The following MAST4 variants were observed in gnomAD, a reference collection of about 807,000 sequenced individuals.
MAST4 encodes microtubule-associated serine/threonine-protein kinase 4.
A neutral mutation model predicts 162.7 loss-of-function variants in MAST4; 89 were observed. The observed-to-expected ratio is 0.55, with a 90% CI of 0.46 to 0.65. The LOEUF (loss-of-function observed/expected upper bound fraction) is 0.65. Among genes scored for constraint, MAST4 ranks in the 30% least tolerant of loss-of-function variants. MAST4 has a pLI of 0.00. For synonymous variants in MAST4, 1,479 were observed against 1,361.1 expected (o/e 1.09, Z -1.91); for missense variants, 3,153 against 3,374.0 (o/e 0.93, Z 1.62).
chr5:67,123,204 C>T (rs1439431225), intron 14 of MAST4, among the ~76,000 whole-genome samples: 2 of 152,122 alleles, frequency 1.3e-5, no homozygotes, highest in Non-Finnish European at 2.9e-5. Context: ...CTCAGAGAGA[C>T]ACCAATTCCA....
At chr5:66,909,460 A>T (rs1763602040) in intron 4 of MAST4, among the ~76,000 whole-genome samples, 1 of 152,172 alleles carries the variant, frequency 6.6e-6, no homozygotes, top group Non-Finnish European at 1.5e-5. Flanking sequence ...TATATGGAAA[A>T]TTTTAATCAT....
intron 8 of MAST4, among the ~76,000 whole-genome samples, chr5:67,101,401 G>A (rs879263992): frequency 2.0e-5 from 3 of 152,158 alleles, no homozygotes; most frequent in Admixed American, 2.0e-4. Flanking sequence ...AGCCTCAGGC[G>A]AGATGACTCC....
At chr5:67,042,169 A>G (rs1756825299) in intron 4 of MAST4, among the ~76,000 whole-genome samples, 1 of 152,204 alleles carries the variant, frequency 6.6e-6, no homozygotes, top group African/African-American at 2.4e-5. Flanking sequence ...CTACCTTCTA[A>G]TGTACCCTGG....
chr5:66,915,284 A>G (rs1051790747), intron 4 of MAST4, among the ~76,000 whole-genome samples: 5 of 151,754 alleles, frequency 3.3e-5, no homozygotes, highest in Non-Finnish European at 7.4e-5. Context: ...AAAAAAAAAA[A>G]AAAATCAAGT....
chr5:67,006,030 G>C lies in MAST4; in HGVS notation c.675-48374G>C, dbSNP rs146877818. Among the ~76,000 whole-genome samples, 7 of 152,274 alleles carry C rather than the reference G, an allele frequency of 4.6e-5. No individual in the cohort carries two copies. In the East Asian group the frequency reaches 1.4e-3, roughly 29 times the overall value. ...CCAAGAAAATGGTTCGTTCTTTTTGGTTATACCTGTAACTTTTTGTAGTAT... is the reference window on the plus strand; with the variant it reads ...CCAAGAAAATGGTTCGTTCTTTTTGCTTATACCTGTAACTTTTTGTAGTAT... On this transcript the variant is annotated intron_variant, in intron 4 of 28. Coordinates refer to ENST00000403625, the MANE Select transcript of MAST4 (RefSeq NM_001164664.2).
At chr5:67,014,435 T>C (rs1303433671) in intron 4 of MAST4, among the ~76,000 whole-genome samples, 1 of 152,246 alleles carries the variant, frequency 6.6e-6, no homozygotes, top group African/African-American at 2.4e-5. Context: ...GTTCTTGTTA[T>C]GGATTCTGCA....
Position 66,708,205 on chromosome 5 carries a change from G to A in MAST4, c.364-51504G>A, listed in dbSNP as rs556891319. On this transcript the variant is annotated intron_variant, in intron 1 of 28. Coordinates refer to ENST00000403625, the MANE Select transcript of MAST4 (RefSeq NM_001164664.2). ...TTGCTTTTATTTGCGGAAAGAGTGC[G>A]GGACTTGGAGTTGGAAGATGAGGTT... 4.3e-4 allele frequency among the ~76,000 whole-genome samples: 66 copies of A among 152,220 alleles called. 1 individual carries two copies. Among genetic ancestry groups the A allele is most frequent in the African/African-American group, 1.5e-3 (61 of 41,530 alleles).
intron 11 of MAST4, among the ~76,000 whole-genome samples, chr5:67,112,895 C>T (rs1766414938): frequency 6.6e-6 from 1 of 152,114 alleles, no homozygotes; most frequent in African/African-American, 2.4e-5. Flanking sequence ...TGGTAGGTTC[C>T]CCTGACAACA....
intron 4 of MAST4, among the ~76,000 whole-genome samples, chr5:66,916,184 C>A (rs151037630): frequency 1.3e-5 from 2 of 152,082 alleles, no homozygotes; most frequent in African/African-American, 4.8e-5. Flanking sequence ...AATTTTAATG[C>A]GACTACTAGA....
At chr5:67,098,587 A>G (rs1764697614) in intron 7 of MAST4, among the ~76,000 whole-genome samples, 1 of 152,178 alleles carries the variant, frequency 6.6e-6, no homozygotes, top group African/African-American at 2.4e-5. Flanking sequence ...GTGCATATGA[A>G]TACTATCCTT....
chr5:66,625,327 A>G (rs1042688302), intron 1 of MAST4, among the ~76,000 whole-genome samples: 1 of 152,240 alleles, frequency 6.6e-6, no homozygotes, highest in Non-Finnish European at 1.5e-5. Flanking sequence ...GTTTTCCAAC[A>G]AAAGCACCAT....
chr5:66,909,251 C>T (rs2150007845), intron 4 of MAST4, among the ~76,000 whole-genome samples: 1 of 152,224 alleles, frequency 6.6e-6, no homozygotes, highest in South Asian at 2.1e-4. Flanking sequence ...CACGAGCTCT[C>T]TATATTGCTG....
At chr5:66,713,336 G>A (rs1168416803) in intron 1 of MAST4, among the ~76,000 whole-genome samples, 1 of 152,170 alleles carries the variant, frequency 6.6e-6, no homozygotes, top group East Asian at 1.9e-4. Context: ...GGGAGGACAG[G>A]CTGAGACTGA....
In MAST4 at chr5:66,968,679, C is replaced by T. The variant is rs114077724; in HGVS notation, c.674+68697C>T. Among the ~76,000 whole-genome samples, 636 of 152,200 alleles carry T rather than the reference C, an allele frequency of 4.2e-3. 1 individual carries two copies. The highest frequency in any genetic ancestry group is 7.2e-3 in the Non-Finnish European group (493 of 68,024). On this transcript the variant is annotated intron_variant, in intron 4 of 28. Coordinates refer to ENST00000403625, the MANE Select transcript of MAST4 (RefSeq NM_001164664.2). ...TTTCACCTGTGCTTAAACATGAGAT[C>T]GAGTTATATAGAAGGTATGTTTTGA...
Position 66,596,414 on chromosome 5 carries a change from A to T in MAST4, c.-242A>T, listed in dbSNP as rs1218972932. ...GAGCACAGTGGAGCGCAGATCGCGG[A>T]CCCGAGCGGGCATGTCCCCGCGCGC... is the stretch of plus-strand genomic sequence containing the variant. On this transcript the variant is annotated 5_prime_UTR_variant, in exon 1 of 29. Coordinates refer to ENST00000403625, the MANE Select transcript of MAST4 (RefSeq NM_001164664.2). 17 of 398,500 alleles carry T rather than the reference A, an allele frequency of 4.3e-5. No homozygotes were observed. In the Admixed American group the frequency reaches 7.7e-4, roughly 18 times the overall value. 24.7% of individuals were successfully genotyped at this position (398,500 alleles called of 1,614,324 possible).
intron 4 of MAST4, among the ~76,000 whole-genome samples, chr5:66,954,141 C>T (rs948637783): frequency 4.6e-5 from 7 of 152,142 alleles, no homozygotes; most frequent in Non-Finnish European, 8.8e-5. Flanking sequence ...AATGTCCCCC[C>T]ACAACCCACC....
rs56201012 is a variant in MAST4 at position 67,165,755 on chromosome 5, C to T, written c.6576C>T (p.His2192=). The T allele has an allele frequency of 3.2e-3, 5,045 of 1,589,856 alleles. 147 individuals carry two copies. The African/African-American group carries it at 0.06, about 19-fold the overall frequency. ...PVAAHSESSS[H]KPRPGPDPGP... The stretch of plus-strand genomic sequence containing the variant: ...CTGCGCACAGTGAAAGCAGCAGCCA[C>T]AAGCCCCGGCCTGGCCCTGACCCGG... Residue 2192 remains histidine, a synonymous_variant, in exon 29 of 29, where the codon CAC becomes CAT. Coordinates refer to ENST00000403625, the MANE Select transcript of MAST4 (RefSeq NM_001164664.2).
chr5:66,925,034 TA>T (rs1170287019), intron 4 of MAST4, among the ~76,000 whole-genome samples: 6 of 152,234 alleles, frequency 3.9e-5, no homozygotes, highest in African/African-American at 1.2e-4. Context: ...AGATAGTTTT[TA>T]CCCATAATCT....
intron 2 of MAST4, among the ~76,000 whole-genome samples, chr5:66,770,393 GC>G (rs1754306431): frequency 6.6e-6 from 1 of 152,170 alleles, no homozygotes; most frequent in African/African-American, 2.4e-5. Context: ...TTTGGCAGAT[GC>G]TGCCTCCCAG....
Sources: gnomAD v4.1 joint callset for allele counts (sites outside exome capture counted in the v4.1 genomes callset) on GRCh38, gnomAD v4.1.1 for gene constraint, MANE v1.5 for transcripts, NCBI Gene and HGNC (gene_info 2026-07-23, HGNC 2026-07-21) for gene names.